Variants in SLC24A3 observed in about 807,000 individuals in gnomAD.
SLC24A3 encodes the protein sodium/potassium/calcium exchanger 3.
In SLC24A3, 28 loss-of-function variants were observed where a neutral mutation model predicts 75.8. That is an observed-to-expected ratio of 0.37 (90% confidence interval 0.27 to 0.51). The LOEUF (loss-of-function observed/expected upper bound fraction) is 0.51, where lower values mean the gene tolerates loss of function less well. Among genes scored for constraint, SLC24A3 ranks in the 20% least tolerant of loss-of-function variants. SLC24A3 has a pLI of 0.94. For missense variants in SLC24A3, 663 were observed against 847.8 expected (o/e 0.78, Z 2.71); for synonymous variants, 372 against 334.1 (o/e 1.11, Z -1.24).
intron 6 of SLC24A3, among the ~76,000 whole-genome samples, chr20:19,625,790 CAAGTG>C (rs1443036656): frequency 6.6e-6 from 1 of 152,162 alleles, no homozygotes; most frequent in Non-Finnish European, 1.5e-5. Context: ...CAGTTGGGCA[CAAGTG>C]AATGCAAGTA....
intron 2 of SLC24A3, among the ~76,000 whole-genome samples, chr20:19,503,865 C>T (rs1988423628): frequency 6.6e-6 from 1 of 152,188 alleles, no homozygotes; most frequent in South Asian, 2.1e-4. Context: ...TTAGTAATAA[C>T]TCTCCCCCTT....
At chr20:19,414,702 G>A (rs992262493) in intron 2 of SLC24A3, among the ~76,000 whole-genome samples, 1 of 152,056 alleles carries the variant, frequency 6.6e-6, no homozygotes, top group Non-Finnish European at 1.5e-5. Context: ...TTCAGAAAGG[G>A]TATCTTTTCC....
At chr20:19,289,129 A>ATC (rs1261156862) in intron 2 of SLC24A3, among the ~76,000 whole-genome samples, 5 of 151,922 alleles carry the variant, frequency 3.3e-5, no homozygotes, top group Non-Finnish European at 5.9e-5. Flanking sequence ...CATATTGCAT[A>ATC]TTTTTAATGT....
chr20:19,335,779 T>C (rs1172900427), intron 2 of SLC24A3, among the ~76,000 whole-genome samples: 1 of 152,228 alleles, frequency 6.6e-6, no homozygotes, highest in Non-Finnish European at 1.5e-5. Context: ...TGATCAACAA[T>C]TCATTTTAAA....
At chr20:19,661,106 G>A (rs1202131696) in intron 7 of SLC24A3, among the ~76,000 whole-genome samples, 1 of 152,150 alleles carries the variant, frequency 6.6e-6, no homozygotes, top group Non-Finnish European at 1.5e-5. Flanking sequence ...CTGTAGCTAT[G>A]TGCTTGATTT....
At chr20:19,702,622 CAAAA>C (rs11470232) in intron 15 of SLC24A3, among the ~76,000 whole-genome samples, 89 of 149,082 alleles carry the variant, frequency 6.0e-4, no homozygotes, top group African/African-American at 2.1e-3. Context: ...GTAATAAGTG[CAAAA>C]AAAAAAAAAA....
intron 3 of SLC24A3, among the ~76,000 whole-genome samples, chr20:19,543,191 A>G (rs1222220066): frequency 6.6e-6 from 1 of 152,208 alleles, no homozygotes. Flanking sequence ...CCATTAGATG[A>G]AATCGCTTCT....
In SLC24A3 at chr20:19,538,772, TC is replaced by T. The variant is rs1268982481; in HGVS notation, c.348+23209del. ...TGATCCAACACCACTACTCCCCGAA[TC>T]AACAGAAATTCATATATACATGCAA... On this transcript the variant is annotated intron_variant, in intron 3 of 16. Transcript: ENST00000328041. Among the ~76,000 whole-genome samples the T allele has an allele frequency of 2.6e-5, 4 of 152,260 alleles. No homozygotes were observed. The East Asian group carries it at 7.7e-4, about 29-fold the overall frequency.
intron 3 of SLC24A3, among the ~76,000 whole-genome samples, chr20:19,574,051 C>T (rs2122625182): frequency 6.6e-6 from 1 of 152,276 alleles, no homozygotes; most frequent in Non-Finnish European, 1.5e-5. Context: ...CCCTTCCCAC[C>T]AAGCAGCGCA....
At chr20:19,400,065 C>T (rs983255767) in intron 2 of SLC24A3, among the ~76,000 whole-genome samples, 30 of 152,244 alleles carry the variant, frequency 2.0e-4, no homozygotes, top group African/African-American at 7.2e-4. Flanking sequence ...ATAGTTATAA[C>T]AACTTTTCTA....
chr20:19,337,998 T>C (rs1985176343), intron 2 of SLC24A3, among the ~76,000 whole-genome samples: 1 of 152,020 alleles, frequency 6.6e-6, no homozygotes, highest in Non-Finnish European at 1.5e-5. Context: ...CTTCAGGGGA[T>C]AGAGGCACCA....
chr20:19,691,466 C>G (rs954242971), intron 12 of SLC24A3, among the ~76,000 whole-genome samples: 6 of 152,066 alleles, frequency 3.9e-5, no homozygotes, highest in African/African-American at 1.4e-4. Flanking sequence ...GGTGGGGAGA[C>G]CTGATTTTAC....
chr20:19,636,897 A>T (rs1334323975), intron 6 of SLC24A3, among the ~76,000 whole-genome samples: 7 of 152,258 alleles, frequency 4.6e-5, no homozygotes, highest in Admixed American at 2.6e-4. Context: ...AAAAGTTTTA[A>T]TTAGTATTCT....
At position 19,501,775 on chromosome 20, in the gene SLC24A3, C is replaced by G. The variant is rs559165056; in HGVS notation, c.272-13713C>G. On this transcript the variant is annotated intron_variant, in intron 2 of 16. Coordinates refer to ENST00000328041, the MANE Select transcript of SLC24A3 (RefSeq NM_020689.4). ...GTAATCTCCCACTGTTCTGATTGCT[C>G]TTTCTGTCTGATTTTTGGTTTATCC... Among the ~76,000 whole-genome samples, 51 of 152,214 alleles carry G rather than the reference C, an allele frequency of 3.4e-4. No individual in the cohort carries two copies. The South Asian group carries it at 4.6e-3, about 14-fold the overall frequency.
At chr20:19,441,985 CTT>C (rs1161650445) in intron 2 of SLC24A3, among the ~76,000 whole-genome samples, 1 of 152,110 alleles carries the variant, frequency 6.6e-6, no homozygotes, top group Non-Finnish European at 1.5e-5. Context: ...GCTTCTTTGA[CTT>C]AGTAATATGT....
chr20:19,317,628 G>A (rs1984615419), intron 2 of SLC24A3, among the ~76,000 whole-genome samples: 1 of 152,178 alleles, frequency 6.6e-6, no homozygotes, highest in African/African-American at 2.4e-5. Flanking sequence ...GAAAGCTTAT[G>A]AGGAAGATCT....
intron 2 of SLC24A3, among the ~76,000 whole-genome samples, chr20:19,422,857 G>A (rs6112369): frequency 6.6e-6 from 1 of 152,210 alleles, no homozygotes; most frequent in Non-Finnish European, 1.5e-5. Context: ...CCCCATAGAA[G>A]GATGTGTGAG....
chr20:19,265,255 T>G (rs796722606), intron 1 of SLC24A3, among the ~76,000 whole-genome samples: 29 of 152,322 alleles, frequency 1.9e-4, no homozygotes, highest in African/African-American at 6.7e-4. Context: ...CTTCTCCCCT[T>G]GTAGCTTGTA....
At position 19,346,116 on chromosome 20, in the gene SLC24A3, GTGTGTGTGTA is replaced by G. The variant is rs1985399309; in HGVS notation, c.271+65031_271+65040del. Reference sequence around the variant, plus strand: ...ATATATATATATATATATGGTGTGTGTGTGTGTGTATATATATATATGGTGTGTGTATATA... The same window carrying G: ...ATATATATATATATATATGGTGTGTGTATATATATATGGTGTGTGTATATA... On this transcript the variant is annotated intron_variant, in intron 2 of 16. Transcript: ENST00000328041. Among the ~76,000 whole-genome samples, 20 of 67,116 alleles carry G rather than the reference GTGTGTGTGTA, an allele frequency of 3.0e-4. 9 individuals are homozygous for G. Among genetic ancestry groups the G allele is most frequent in the African/African-American group, 1.5e-3 (15 of 10,140 alleles). The allele number at this position is 67,116 out of a possible 152,430, so 44.0% of individuals were successfully genotyped here.
Sources: gnomAD v4.1 joint callset for allele counts (sites outside exome capture counted in the v4.1 genomes callset) on GRCh38, gnomAD v4.1.1 for gene constraint, MANE v1.5 for transcripts, NCBI Gene and HGNC (gene_info 2026-07-23, HGNC 2026-07-21) for gene names.